WWOX: variants seen among roughly 807,000 people sequenced by gnomAD.
WWOX encodes the protein WW domain containing oxidoreductase.
In WWOX, 69 loss-of-function variants were observed where a neutral mutation model predicts 46.2. That is an observed-to-expected ratio of 1.49 (90% CI 1.23 to 1.82). The LOEUF (loss-of-function observed/expected upper bound fraction) is 1.82, where lower values mean the gene tolerates loss of function less well. Among genes scored for constraint, WWOX ranks in the 40% most tolerant of loss-of-function variants. The pLI is 0.00. For synonymous variants in WWOX, 359 were observed against 202.6 expected (o/e 1.77, Z -6.56); for missense variants, 919 against 542.6 (o/e 1.69, Z -6.89).
intron 5 of WWOX, among the ~76,000 whole-genome samples, chr16:78,255,007 G>A (rs1050120056): frequency 5.3e-5 from 8 of 152,320 alleles, no homozygotes; most frequent in Middle Eastern, 6.8e-3. Context: ...CACTTTGCAA[G>A]AGCAGTTCAG....
chr16:78,790,100 G>T (rs1434306499), intron 8 of WWOX, among the ~76,000 whole-genome samples: 1 of 152,046 alleles, frequency 6.6e-6, no homozygotes, highest in African/African-American at 2.4e-5. Flanking sequence ...ACCTAAAATC[G>T]AGTACTGTTA....
At chr16:79,117,262 G>A (rs1443013507) in intron 8 of WWOX, among the ~76,000 whole-genome samples, 1 of 152,054 alleles carries the variant, frequency 6.6e-6, no homozygotes, top group Non-Finnish European at 1.5e-5. Flanking sequence ...GCCCAAATCA[G>A]CCTCCCACAG....
intron 6 of WWOX, among the ~76,000 whole-genome samples, chr16:78,405,329 A>T (rs2082503259): frequency 6.6e-6 from 1 of 151,932 alleles, no homozygotes; most frequent in Admixed American, 6.6e-5. Flanking sequence ...ATAAAAAAAA[A>T]TTAATTAAAT....
At chr16:79,103,549 G>T (rs186854288) in intron 8 of WWOX, among the ~76,000 whole-genome samples, 1 of 152,206 alleles carries the variant, frequency 6.6e-6, no homozygotes, top group Admixed American at 6.5e-5. Flanking sequence ...TGGAGAAAAG[G>T]GTGATTGTCA....
intron 5 of WWOX, among the ~76,000 whole-genome samples, chr16:78,298,005 C>T (rs1374999001): frequency 6.6e-6 from 1 of 152,168 alleles, no homozygotes; most frequent in Non-Finnish European, 1.5e-5. Context: ...AGTGAGTTCT[C>T]ATGAGATCTG....
intron 8 of WWOX, among the ~76,000 whole-genome samples, chr16:78,528,129 G>C (rs1168954265): frequency 7.0e-6 from 1 of 143,642 alleles, no homozygotes; most frequent in East Asian, 2.0e-4. Flanking sequence ...CTCCCGAGTA[G>C]CTGGGACTAC....
chr16:78,802,967 G>T (rs1211934238), intron 8 of WWOX, among the ~76,000 whole-genome samples: 1 of 116,724 alleles, frequency 8.6e-6, no homozygotes, highest in South Asian at 3.0e-4. Context: ...ATGAACGAGT[G>T]AGTGGCAAGA....
At chr16:78,607,644 C>CTT (rs4035989) in intron 8 of WWOX, among the ~76,000 whole-genome samples, 6,321 of 141,512 alleles carry the variant, frequency 0.045, 237 homozygotes, top group East Asian at 0.1. Context: ...ATTTGTTCTT[C>CTT]TTTTTTTTTT....
chr16:78,457,682 G>A (rs2083851926), intron 8 of WWOX, among the ~76,000 whole-genome samples: 1 of 152,070 alleles, frequency 6.6e-6, no homozygotes, highest in African/African-American at 2.4e-5. Context: ...GGGAGGCCGA[G>A]GCAGGTGGAT....
At chr16:79,090,042 C>G (rs1046309213) in intron 8 of WWOX, 14 of 151,522 alleles carry the variant, frequency 9.2e-5, no homozygotes, top group Admixed American at 7.2e-4. Context: ...GGGCAGGAGG[C>G]TGTTTTCAGT....
intron 8 of WWOX, among the ~76,000 whole-genome samples, chr16:78,554,690 A>T (rs2044247766): frequency 6.6e-6 from 1 of 152,146 alleles, no homozygotes; most frequent in South Asian, 2.1e-4. Context: ...GTTGAATAGG[A>T]CCGTAGAGGT....
chr16:78,548,179 T>TCAACA (rs1555560965), intron 8 of WWOX, among the ~76,000 whole-genome samples: 64,303 of 119,074 alleles, frequency 0.54, 21,467 homozygotes, highest in Admixed American at 0.7. Flanking sequence ...AAAAAAAAAA[T>TCAACA]TACGAATTTT....
At chr16:79,004,961 G>A (rs933119879) in intron 8 of WWOX, among the ~76,000 whole-genome samples, 3 of 152,142 alleles carry the variant, frequency 2.0e-5, no homozygotes, top group Non-Finnish European at 4.4e-5. Context: ...GAAAGGAGGA[G>A]TTGTTGTTTT....
At chr16:79,005,704 C>A (rs755887729) in intron 8 of WWOX, among the ~76,000 whole-genome samples, 2 of 152,156 alleles carry the variant, frequency 1.3e-5, no homozygotes, top group Admixed American at 1.3e-4. Flanking sequence ...GATTTAGAGC[C>A]CACCCTAATT....
At chr16:79,181,997 G>T (rs75777282) in intron 8 of WWOX, among the ~76,000 whole-genome samples, 2 of 152,134 alleles carry the variant, frequency 1.3e-5, no homozygotes, top group Non-Finnish European at 2.9e-5. Context: ...TGACAATCCC[G>T]GGGCAGTTTG....
At chr16:78,961,542 G>A (rs1446166049) in intron 8 of WWOX, among the ~76,000 whole-genome samples, 4 of 152,054 alleles carry the variant, frequency 2.6e-5, no homozygotes, top group Non-Finnish European at 5.9e-5. Flanking sequence ...GTACATAGAT[G>A]GATGTATGGA....
intron 8 of WWOX, among the ~76,000 whole-genome samples, chr16:78,939,251 T>A (rs2045804151): frequency 6.6e-6 from 1 of 152,150 alleles, no homozygotes; most frequent in Admixed American, 6.5e-5. Context: ...TGTTGGGCTT[T>A]AAAGATGGAT....
At chr16:78,790,316 G>A (rs2142590132) in intron 8 of WWOX, among the ~76,000 whole-genome samples, 1 of 152,050 alleles carries the variant, frequency 6.6e-6, no homozygotes, top group East Asian at 1.9e-4. Context: ...TGTATTTTCA[G>A]TAGAGATGGG....
intron 8 of WWOX, among the ~76,000 whole-genome samples, chr16:78,677,572 G>C (rs1206555891): frequency 2.0e-5 from 3 of 152,138 alleles, no homozygotes; most frequent in Non-Finnish European, 4.4e-5. Context: ...TTTCAGACAT[G>C]CAACCCCCAA....
Sources: allele counts gnomAD v4.1 joint callset (sites outside exome capture counted in the v4.1 genomes callset), GRCh38; gene constraint gnomAD v4.1.1; transcripts MANE v1.5; gene names NCBI Gene and HGNC (gene_info 2026-07-23, HGNC 2026-07-21).